Variants in RNLS observed in about 807,000 individuals in gnomAD.
The protein encoded by RNLS is renalase, FAD dependent amine oxidase, also known as renalase.
In RNLS, 39 loss-of-function variants were observed where a neutral mutation model predicts 39.8. The observed-to-expected ratio is 0.98, with a 90% CI of 0.76 to 1.28. The LOEUF (loss-of-function observed/expected upper bound fraction) is 1.28, where lower values mean the gene tolerates loss of function less well. Ranked by LOEUF, RNLS falls within the 50% of genes most tolerant of loss-of-function variation. The pLI, the probability that RNLS is intolerant of heterozygous loss-of-function variation, is 0.00. For synonymous variants in RNLS, 147 were observed against 150.7 expected, an observed-to-expected ratio of 0.98 and a Z score of 0.18; for missense variants, 410 against 413.3, an observed-to-expected ratio of 0.99 and a Z score of 0.07.
intron 4 of RNLS, among the ~76,000 whole-genome samples, chr10:88,433,162 GTCT>G (rs1855237794): frequency 6.6e-6 from 1 of 152,044 alleles, no homozygotes; most frequent in South Asian, 2.1e-4. Flanking sequence ...GGATATACAG[GTCT>G]GATGACTTGA....
chr10:88,580,542 C>T (rs1320840964), intron 3 of RNLS, among the ~76,000 whole-genome samples: 3 of 152,158 alleles, frequency 2.0e-5, no homozygotes, highest in Non-Finnish European at 2.9e-5. Context: ...TATGATTTAT[C>T]AAGAAGCTTC....
At chr10:88,185,421 T>G in the RNLS span, among the ~76,000 whole-genome samples, 6 of 152,166 alleles carry the variant, frequency 3.9e-5, no homozygotes, top group African/African-American at 1.4e-4. Context: ...TATTGTTTTT[T>G]TAAATTCAAT....
intron 4 of RNLS, among the ~76,000 whole-genome samples, chr10:88,443,837 G>T (rs1482271980): frequency 6.6e-6 from 1 of 152,216 alleles, no homozygotes; most frequent in East Asian, 1.9e-4. Context: ...CTCCAACTGG[G>T]TGGAGCCCAC....
intron 4 of RNLS, among the ~76,000 whole-genome samples, chr10:88,446,197 C>G (rs1285368833): frequency 1.3e-5 from 2 of 152,156 alleles, no homozygotes; most frequent in Admixed American, 6.5e-5. Flanking sequence ...AACTGAACAA[C>G]CTGCTCCTGA....
chr10:88,375,362 G>A (rs1850898237), intron 4 of RNLS, among the ~76,000 whole-genome samples: 2 of 152,094 alleles, frequency 1.3e-5, no homozygotes, highest in South Asian at 2.1e-4. Context: ...GTCCCCTTCC[G>A]AATCTCACAA....
intron 4 of RNLS, among the ~76,000 whole-genome samples, chr10:88,441,213 C>A (rs1160714624): frequency 6.6e-6 from 1 of 152,126 alleles, no homozygotes; most frequent in Non-Finnish European, 1.5e-5. Context: ...ATTTATAAAT[C>A]CCTACCTTGA....
intron 4 of RNLS, among the ~76,000 whole-genome samples, chr10:88,415,683 G>T (rs1853972307): frequency 6.6e-6 from 1 of 152,158 alleles, no homozygotes; most frequent in Non-Finnish European, 1.5e-5. Context: ...TTGCTGTTAG[G>T]ATGAAATGAG....
intron 4 of RNLS, among the ~76,000 whole-genome samples, chr10:88,555,601 T>C (rs961677585): frequency 1.1e-4 from 17 of 152,106 alleles, no homozygotes; most frequent in African/African-American, 4.1e-4. Flanking sequence ...GCCATGCTTG[T>C]ATAGCCCGCA....
At chr10:88,387,757 T>G (rs188146239) in intron 4 of RNLS, among the ~76,000 whole-genome samples, 1 of 152,126 alleles carries the variant, frequency 6.6e-6, no homozygotes, top group Admixed American at 6.5e-5. Context: ...ATGGAGCAGG[T>G]GTTGTGGAGA....
intron 4 of RNLS, among the ~76,000 whole-genome samples, chr10:88,547,546 G>A (rs190323394): frequency 1.3e-5 from 2 of 152,140 alleles, no homozygotes; most frequent in East Asian, 3.8e-4. Context: ...GGTTTTTCTA[G>A]TTATGGGTAG....
intron 4 of RNLS, among the ~76,000 whole-genome samples, chr10:88,430,512 C>A (rs980703615): frequency 2.6e-5 from 4 of 151,702 alleles, no homozygotes; most frequent in African/African-American, 9.7e-5. Flanking sequence ...CTGTCTAACC[C>A]CCCTAGTTAA....
chr10:88,431,939 T>A (rs143311756), intron 4 of RNLS, among the ~76,000 whole-genome samples: 2 of 151,814 alleles, frequency 1.3e-5, no homozygotes, highest in Non-Finnish European at 3.0e-5. Flanking sequence ...GTGTATTCTG[T>A]CGTTGTTGAG....
chr10:88,171,833 A>T, the RNLS span, among the ~76,000 whole-genome samples: 49 of 152,208 alleles, frequency 3.2e-4, no homozygotes, highest in African/African-American at 1.1e-3. Context: ...GCTTCTCCTT[A>T]TCTTTCCTTC....
chr10:88,568,465 T>C (rs1590036172), intron 4 of RNLS, among the ~76,000 whole-genome samples: 2 of 152,032 alleles, frequency 1.3e-5, no homozygotes, highest in Non-Finnish European at 2.9e-5. Context: ...TTTAGATAGG[T>C]GAATTGTATG....
chr10:88,259,906 T>A, the RNLS span, among the ~76,000 whole-genome samples: 4 of 152,094 alleles, frequency 2.6e-5, no homozygotes, highest in Admixed American at 6.5e-5. Flanking sequence ...CACGCCCAGC[T>A]AATTTTTGCA....
chr10:88,226,280 G>A, the RNLS span, among the ~76,000 whole-genome samples: 8 of 152,166 alleles, frequency 5.3e-5, no homozygotes, highest in East Asian at 1.5e-3. Flanking sequence ...GCTTAAAAAT[G>A]TTAATTTCAG....
the RNLS span, among the ~76,000 whole-genome samples, chr10:88,181,007 C>G: frequency 6.6e-6 from 1 of 152,180 alleles, no homozygotes; most frequent in Non-Finnish European, 1.5e-5. Flanking sequence ...CCCCAAAGAT[C>G]AACATGCCCT....
At chr10:88,336,869 G>C (rs1446439028) in intron 5 of RNLS, among the ~76,000 whole-genome samples, 2 of 152,128 alleles carry the variant, frequency 1.3e-5, no homozygotes, top group East Asian at 3.9e-4. Flanking sequence ...CCTGAGAGCG[G>C]AGTAGATGTA....
chr10:88,565,397 A>G (rs1201049097), intron 4 of RNLS, among the ~76,000 whole-genome samples: 2 of 152,202 alleles, frequency 1.3e-5, no homozygotes, highest in African/African-American at 2.4e-5. Flanking sequence ...ACATTAACCA[A>G]TTCTTCATAC....
Sources: allele counts gnomAD v4.1 joint callset (sites outside exome capture counted in the v4.1 genomes callset), GRCh38; gene constraint gnomAD v4.1.1; transcripts MANE v1.5; gene names NCBI Gene and HGNC (gene_info 2026-07-23, HGNC 2026-07-21).